Variants in SPARC observed in about 807,000 individuals in gnomAD.
The protein encoded by SPARC is basement-membrane protein 40.
In SPARC, 23 loss-of-function variants were observed where a neutral mutation model predicts 37.7. The ratio of observed to expected loss-of-function variants is 0.61; its 90% CI spans 0.44 to 0.87. SPARC has a LOEUF of 0.87. SPARC is among the 40% of genes least tolerant of loss of function. The probability of loss-of-function intolerance (pLI) is 0.00; values close to 1 mark genes in which losing one functional copy is unlikely to be tolerated. For synonymous variants in SPARC, 155 were observed against 150.8 expected, an observed-to-expected ratio of 1.03 and a Z score of -0.20; for missense variants, 312 against 389.0, an observed-to-expected ratio of 0.80 and a Z score of 1.66.
intron 6 of SPARC, 39 bp downstream of exon 6, chr5:151,669,625 C>T (rs1474147163): frequency 6.2e-7 from 1 of 1,608,296 alleles, no homozygotes; most frequent in South Asian, 1.1e-5. Context: ...AGAGCTCTCT[C>T]CCCAAGACAG....
chr5:151,667,304 G>T (rs1760644834), intron 7 of SPARC, among the ~76,000 whole-genome samples, 163 bp downstream of exon 7: 1 of 152,196 alleles, frequency 6.6e-6, no homozygotes, highest in African/African-American at 2.4e-5. Flanking sequence ...ATGTTAATGT[G>T]CACCACAGCC....
chr5:151,670,227 A>G (rs1262483841), intron 5 of SPARC, among the ~76,000 whole-genome samples: 1 of 152,194 alleles, frequency 6.6e-6, no homozygotes, highest in African/African-American at 2.4e-5. Context: ...GCACTGTTGT[A>G]AATCTTTCCC....
Position 151,664,186 on chromosome 5 carries a change from T to C in SPARC, c.784A>G (p.Met262Val), listed in dbSNP as rs199655940. The C allele has an allele frequency of 3.7e-6, 6 of 1,613,902 alleles. No homozygotes were observed. In the Admixed American group the frequency reaches 8.3e-5, roughly 22 times the overall value. ...AAAAAGCGGGTGGTGCAATGCTCCA[T>C]GGGGATGAGGGGAGCACGCAGTGGA... ...LAPLRAPLIPMEHCTTRFFET... is the reference protein window; with the variant it reads ...LAPLRAPLIPVEHCTTRFFET... Residue 262 changes from methionine to valine, a missense_variant, in exon 9 of 10, where the codon ATG (methionine) becomes GTG (valine). By Grantham distance (21) the Met-to-Val change is conservative. Coordinates refer to ENST00000231061, the MANE Select transcript of SPARC (RefSeq NM_003118.4).
In SPARC at chr5:151,680,585, T is replaced by C. The variant is rs553694578; in HGVS notation, c.-13-4384A>G. 1.3e-4 allele frequency among the ~76,000 whole-genome samples: 20 copies of C among 152,284 alleles called. No individual in the cohort carries two copies. In the South Asian group the frequency reaches 3.7e-3, roughly 28 times the overall value. ...AGCCACATGTGGCTAGTGGCTACCA[T>C]GGTAGACAGAGTGATAATAAACTAT... On this transcript the variant is annotated intron_variant, in intron 1 of 9. Coordinates refer to ENST00000231061, the MANE Select transcript of SPARC (RefSeq NM_003118.4).
chr5:151,665,206 C>T (rs916317160), intron 8 of SPARC, among the ~76,000 whole-genome samples: 4 of 152,190 alleles, frequency 2.6e-5, no homozygotes, highest in African/African-American at 9.7e-5. Context: ...CAAGCTGGAC[C>T]CCTTTCCCAG....
At chr5:151,672,848 T>A (rs1044293648) in intron 4 of SPARC, 3 of 430,514 alleles carry the variant, frequency 7.0e-6, no homozygotes, top group African/African-American at 6.0e-5. Context: ...AGCTTTGGAC[T>A]CAGGGCAAAG....
intron 1 of SPARC, among the ~76,000 whole-genome samples, chr5:151,682,868 A>G (rs1232527866): frequency 2.6e-5 from 4 of 152,200 alleles, no homozygotes; most frequent in African/African-American, 9.7e-5. Flanking sequence ...AGAAGTTAAT[A>G]CCAAGTTTCT....
At position 151,674,597 on chromosome 5, in the gene SPARC, T is replaced by G. The variant is rs1188566344; in HGVS notation, c.120+15A>C. 8 of 1,613,490 alleles carry G rather than the reference T, an allele frequency of 5.0e-6. No homozygotes were observed. The highest frequency in any genetic ancestry group is 6.8e-6 in the Non-Finnish European group (8 of 1,179,562). On this transcript the variant is annotated intron_variant, in intron 3 of 9. Coordinates refer to ENST00000231061, the MANE Select transcript of SPARC (RefSeq NM_003118.4). Reference sequence around the variant, plus strand: ...GTAGAGAGGGGCTAAGGGGCTGCGGTCACTGCCCACATACCTCAGTCACCT... The same window carrying G: ...GTAGAGAGGGGCTAAGGGGCTGCGGGCACTGCCCACATACCTCAGTCACCT...
intron 5 of SPARC, among the ~76,000 whole-genome samples, chr5:151,670,538 C>A (rs1760725823): frequency 6.6e-6 from 1 of 152,184 alleles, no homozygotes; most frequent in Non-Finnish European, 1.5e-5. Context: ...GTGTCTTTTT[C>A]CCTTACGATC....
At chr5:151,674,773 A>G in intron 2 of SPARC, 99 bp from the exon 3 acceptor site, 1 of 1,168,764 alleles carries the variant, frequency 8.6e-7, no homozygotes, top group Non-Finnish European at 1.3e-6. Flanking sequence ...GGGAGCTTGG[A>G]GAGCAGCTTA....
rs754061225 is a variant in SPARC, at chr5:151,676,152, C to T, written c.37G>A (p.Gly13Arg). 19 of 1,612,024 alleles carry T rather than the reference C, an allele frequency of 1.2e-5. No homozygotes were observed. The highest frequency in any genetic ancestry group is 1.7e-5 in the Admixed American group (1 of 59,828). The change falls in exon 2 of 10, where the codon GGG becomes AGG. Residue 13 changes from glycine to arginine, a missense_variant. Physicochemically the swap from Gly to Arg is moderately radical, Grantham distance 125. Transcript: ENST00000231061. ...AWIFFLLCLA[G>R]RALAAPQQEA... The stretch of plus-strand genomic sequence containing the variant: ...CTTACAGGGGCTGCCAAGGCCCTCC[C>T]GGCCAGGCAAAGGAGAAAGAAGATC...
chr5:151,671,289 A>G (rs1760744198), intron 5 of SPARC, among the ~76,000 whole-genome samples: 3 of 152,076 alleles, frequency 2.0e-5, no homozygotes, highest in Admixed American at 6.6e-5. Flanking sequence ...GTATTTTTGG[A>G]CCTGATTCTT....
At chr5:151,681,068 T>C (rs1301364877) in intron 1 of SPARC, among the ~76,000 whole-genome samples, 2 of 152,192 alleles carry the variant, frequency 1.3e-5, no homozygotes, top group Non-Finnish European at 2.9e-5. Context: ...CAGCCAAGCA[T>C]CTCACTCTCA....
chr5:151,664,017 G>T, intron 9 of SPARC, 70 bp downstream of exon 9: 1 of 1,570,790 alleles, frequency 6.4e-7, no homozygotes, highest in Non-Finnish European at 8.7e-7. Context: ...GAGAGTGGGG[G>T]GATGACAACC....
At chr5:151,667,924 G>A (rs1004363181) in intron 6 of SPARC, among the ~76,000 whole-genome samples, 7 of 152,284 alleles carry the variant, frequency 4.6e-5, no homozygotes, top group Middle Eastern at 3.4e-3. Flanking sequence ...TGTTGTTCAC[G>A]TCAACCACTG....
chr5:151,663,979 G>A, intron 9 of SPARC, 108 bp downstream of exon 9: 1 of 1,333,278 alleles, frequency 7.5e-7, no homozygotes, highest in Non-Finnish European at 1.1e-6. Flanking sequence ...AGGCAGAGAG[G>A]ACAGACAACA....
chr5:151,676,077 C>A (rs755454050), intron 2 of SPARC, 55 bp downstream of exon 2: 19 of 1,471,596 alleles, frequency 1.3e-5, no homozygotes, highest in East Asian at 2.3e-5. Flanking sequence ...GGCTCAGAAC[C>A]CCTGGTGCTA....
intron 1 of SPARC, among the ~76,000 whole-genome samples, chr5:151,680,482 C>T (rs892115173): frequency 3.9e-5 from 6 of 152,176 alleles, no homozygotes; most frequent in South Asian, 2.1e-4. Context: ...GCCATCCGCC[C>T]GCCTCAGCCT....
At chr5:151,668,631 A>G (rs531533546) in intron 6 of SPARC, among the ~76,000 whole-genome samples, 1 of 152,108 alleles carries the variant, frequency 6.6e-6, no homozygotes, top group African/African-American at 2.4e-5. Context: ...GGCTACCTTC[A>G]TCATCAGCTG....
Sources: allele counts gnomAD v4.1 joint callset (sites outside exome capture counted in the v4.1 genomes callset), GRCh38; gene constraint gnomAD v4.1.1; transcripts MANE v1.5; gene names NCBI Gene and HGNC (gene_info 2026-07-23, HGNC 2026-07-21).